Variants in CCDC93 observed in about 807,000 individuals in gnomAD.
CCDC93 encodes the protein coiled-coil domain-containing protein 93.
A neutral mutation model predicts 108.2 loss-of-function variants in CCDC93; 61 were observed. The ratio of observed to expected loss-of-function variants is 0.56; its 90% CI spans 0.46 to 0.70. CCDC93 has a LOEUF of 0.70. CCDC93 is among the 30% of genes least tolerant of loss of function. The pLI, the probability that CCDC93 is intolerant of heterozygous loss-of-function variation, is 0.00. For missense variants in CCDC93, 685 were observed against 764.2 expected (o/e 0.90, Z 1.22); for synonymous variants, 276 against 260.4 (o/e 1.06, Z -0.58).
intron 22 of CCDC93, 94 bp downstream of exon 22, chr2:117,935,401 C>T (rs1678489563): frequency 2.3e-6 from 2 of 863,028 alleles, no homozygotes; most frequent in Non-Finnish European, 1.9e-6. Flanking sequence ...TGAGGGCACA[C>T]TCCCCAACTA....
At chr2:117,920,543 G>T in intron 23 of CCDC93, 147 bp from the exon 24 acceptor site, 1 of 499,366 alleles carries the variant, frequency 2.0e-6, no homozygotes. Flanking sequence ...CCAGGATGGT[G>T]AAGCTTCCTG....
intron 9 of CCDC93, 83 bp from the exon 10 acceptor site, chr2:117,974,983 G>T: frequency 1.6e-6 from 2 of 1,236,452 alleles, no homozygotes; most frequent in Non-Finnish European, 1.2e-6. Context: ...GATCTTTGCG[G>T]TGATATCCAA....
chr2:117,927,710 A>G (rs1046424662), intron 23 of CCDC93, among the ~76,000 whole-genome samples: 3 of 152,200 alleles, frequency 2.0e-5, no homozygotes, highest in Admixed American at 2.0e-4. Context: ...ATTCAATGCC[A>G]TCCCCATCAA....
At chr2:117,958,913 T>G (rs953728000) in intron 11 of CCDC93, among the ~76,000 whole-genome samples, 15 of 152,242 alleles carry the variant, frequency 9.9e-5, no homozygotes, top group African/African-American at 3.6e-4. Context: ...CAGCAGCACT[T>G]ATAATGAAGA....
In CCDC93 at chr2:117,949,844, C is replaced by A. The variant is rs139865416; in HGVS notation, c.1069-449G>T. On this transcript the variant is annotated intron_variant, in intron 13 of 23. Coordinates refer to ENST00000376300, the MANE Select transcript of CCDC93 (RefSeq NM_019044.5). ...ATTAGAACACAAGAGTTTAACCTCA[C>A]AGGCCAAAAAGGATGGTTAACAGAC... 740 of 985,368 alleles carry A rather than the reference C, an allele frequency of 7.5e-4. 3 individuals carry two copies. The African/African-American group carries it at 0.012, about 16-fold the overall frequency. 61.0% of individuals were successfully genotyped at this position (985,368 alleles called of 1,614,324 possible).
chr2:117,990,166 C>T (rs905179273), intron 6 of CCDC93, among the ~76,000 whole-genome samples: 2 of 152,186 alleles, frequency 1.3e-5, no homozygotes, highest in Admixed American at 6.5e-5. Flanking sequence ...CACTTCATGG[C>T]TATGGAGGGC....
intron 9 of CCDC93, 114 bp from the exon 10 acceptor site, chr2:117,975,014 T>C: frequency 9.2e-7 from 1 of 1,085,830 alleles, no homozygotes; most frequent in Non-Finnish European, 1.4e-6. Flanking sequence ...CTTGATCTCG[T>C]CTTATGTGAG....
At chr2:118,008,866 G>C (rs367596797) in intron 1 of CCDC93, 1 of 534,236 alleles carries the variant, frequency 1.9e-6, no homozygotes, top group Non-Finnish European at 3.3e-6. Flanking sequence ...GGTCCTCAAC[G>C]GGCTGTTAAT....
At chr2:117,967,356 G>A (rs1054491598) in intron 11 of CCDC93, among the ~76,000 whole-genome samples, 10 of 152,194 alleles carry the variant, frequency 6.6e-5, no homozygotes, top group Non-Finnish European at 1.5e-4. Context: ...GAAACATGAA[G>A]AGTCACTTAG....
chr2:117,969,657 A>G (rs1400777938), intron 11 of CCDC93, among the ~76,000 whole-genome samples: 1 of 134,050 alleles, frequency 7.5e-6, no homozygotes, highest in African/African-American at 2.6e-5. Context: ...AACATAAACA[A>G]TTTCAAAGAA....
intron 10 of CCDC93, among the ~76,000 whole-genome samples, 184 bp from the exon 11 acceptor site, chr2:117,974,178 C>T (rs562913489): frequency 2.6e-5 from 4 of 152,228 alleles, no homozygotes; most frequent in East Asian, 1.9e-4. Flanking sequence ...AGGACAAACA[C>T]GCAGCTACCT....
chr2:117,922,888 G>A (rs1002178462), intron 23 of CCDC93, among the ~76,000 whole-genome samples: 2 of 152,024 alleles, frequency 1.3e-5, no homozygotes, highest in South Asian at 2.1e-4. Flanking sequence ...AGTCCCTATC[G>A]TCACCTCCTC....
At chr2:117,946,774 C>A in intron 16 of CCDC93, 37 bp downstream of exon 16, 3 of 1,436,986 alleles carry the variant, frequency 2.1e-6, no homozygotes, top group Non-Finnish European at 2.9e-6. Context: ...CCCGTAATAG[C>A]ACCTGAGAGT....
At chr2:117,981,646 T>C (rs1019641668) in intron 7 of CCDC93, among the ~76,000 whole-genome samples, 7 of 152,224 alleles carry the variant, frequency 4.6e-5, no homozygotes, top group African/African-American at 7.2e-5. Flanking sequence ...AGGACACACA[T>C]ACAATTTTTT....
chr2:118,012,374 G>A (rs1677043520), intron 1 of CCDC93: 1 of 152,170 alleles, frequency 6.6e-6, no homozygotes, highest in Non-Finnish European at 1.5e-5. Context: ...TGAACTAAAT[G>A]ATGATAAGTT....
intron 15 of CCDC93, 115 bp from the exon 16 acceptor site, chr2:117,946,997 G>T: frequency 2.5e-6 from 2 of 812,674 alleles, no homozygotes; most frequent in East Asian, 2.5e-5. Context: ...ATTCTGGGAC[G>T]AAAAGCTAAT....
chr2:117,995,018 G>A (rs556726764), intron 6 of CCDC93, among the ~76,000 whole-genome samples: 3 of 152,298 alleles, frequency 2.0e-5, no homozygotes, highest in Admixed American at 6.5e-5. Flanking sequence ...TACTGTGAAT[G>A]GGGACAAACG....
At position 117,920,127 on chromosome 2, in the gene CCDC93, T is replaced by C. The variant is rs1018743437; in HGVS notation, c.*216A>G. The C allele has an allele frequency of 7.3e-5, 34 of 463,180 alleles. 1 individual carries two copies. Among genetic ancestry groups the C allele is most frequent in the Admixed American group, 5.4e-4 (15 of 27,952 alleles). 28.7% of individuals were successfully genotyped at this position (463,180 alleles called of 1,614,324 possible). On this transcript the variant is annotated 3_prime_UTR_variant, in exon 24 of 24. Coordinates refer to ENST00000376300, the MANE Select transcript of CCDC93 (RefSeq NM_019044.5). ...ACTCCCTATATTCTTCATAGGATGA[T>C]GGGTGTTATCCAAGCCACGTGTTTA...
chr2:117,926,814 C>CAAA (rs558657634), intron 23 of CCDC93, among the ~76,000 whole-genome samples: 4,154 of 151,860 alleles, frequency 0.027, 194 homozygotes, highest in African/African-American at 0.096. Context: ...GAGACACAAC[C>CAAA]AAAAAAGAGA....
Sources: gnomAD v4.1 joint callset for allele counts (sites outside exome capture counted in the v4.1 genomes callset) on GRCh38, gnomAD v4.1.1 for gene constraint, MANE v1.5 for transcripts, NCBI Gene and HGNC (gene_info 2026-07-23, HGNC 2026-07-21) for gene names.